Variants in IDI1 observed in about 807,000 individuals in gnomAD.
IDI1 encodes the protein isopentenyl-diphosphate delta isomerase 1.
In IDI1, 23 loss-of-function variants were observed where a neutral mutation model predicts 32.9. That is an observed-to-expected ratio of 0.70 (90% CI 0.50 to 0.99). The LOEUF (loss-of-function observed/expected upper bound fraction) is 0.99. IDI1 is among the 50% of genes least tolerant of loss of function. The pLI is 0.00. For missense variants in IDI1, 326 were observed against 351.9 expected (o/e 0.93, Z 0.59); for synonymous variants, 133 against 128.2 (o/e 1.04, Z -0.25).
rs2131564994 is a variant in IDI1, at chr10:1,040,314, C to A, written c.*873G>T. 6.6e-6 allele frequency: 1 copy of A among 152,324 alleles called. No individual in the cohort carries two copies. Among genetic ancestry groups the A allele is most frequent in the African/African-American group, 2.4e-5 (1 of 41,554 alleles). The allele number at this position is 152,324 out of a possible 1,614,324, so 9.4% of individuals were successfully genotyped here. ...TCTGTCCCCTAGGGGCATCTGGCAA[C>A]ATCCGGCATAACTGTGGGTGTCACA... On this transcript the variant is annotated 3_prime_UTR_variant, in exon 5 of 5. Coordinates refer to ENST00000381344, the MANE Select transcript of IDI1 (RefSeq NM_004508.4).
Position 1,049,068 on chromosome 10 carries a change from G to A in IDI1, c.-65C>T. 3 of 1,442,394 alleles carry A rather than the reference G, an allele frequency of 2.1e-6. No homozygotes were observed. The highest frequency in any genetic ancestry group is 1.4e-5 in the South Asian group (1 of 69,840). The allele number at this position is 1,442,394 out of a possible 1,614,324, so 89.3% of individuals were successfully genotyped here. A position where few individuals can be genotyped will look rare whatever the true frequency, so the allele number is the denominator to read the frequency against. ...ATCTCGCCAAGCTTCGCCTGGTGGT[G>A]CCACCTCCCTGGCCTGTGACAACGG... On this transcript the variant is annotated 5_prime_UTR_variant, in exon 1 of 5. Transcript: ENST00000381344.
chr10:1,049,881 G>A (rs1315488571), upstream of IDI1, among the ~76,000 whole-genome samples: 1 of 152,172 alleles, frequency 6.6e-6, no homozygotes, highest in African/African-American at 2.4e-5. Flanking sequence ...TGGAACTCCT[G>A]ACCTCAAGTG....
Position 1,041,144 on chromosome 10 carries a change from T to C in IDI1, c.*43A>G. The C allele has an allele frequency of 9.0e-7, 1 of 1,110,070 alleles. No homozygotes were observed. The highest frequency in any genetic ancestry group is 2.5e-5 in the East Asian group (1 of 40,314). 68.8% of individuals were successfully genotyped at this position (1,110,070 alleles called of 1,614,324 possible). ...TTAAAAGGAAAAAGTCATTCTAAGT[T>C]TGTTAAGCAGATAAATTTTTCTGTA... On this transcript the variant is annotated 3_prime_UTR_variant, in exon 5 of 5. Transcript: ENST00000381344.
At position 1,044,047 on chromosome 10, in the gene IDI1, C is replaced by T; in HGVS notation, c.265G>A (p.Gly89Arg). Residue 89 changes from glycine (G) to arginine (R), a missense_variant, in exon 2 of 5, where the codon GGA (glycine) becomes AGA (arginine). Transcript: ENST00000381344. ...ILIDENDNKI[G>R]AETKKNCHLN... ...TGACAATTCTTCTTGGTCTCAGCTC[C>T]AATTTTATTGTCATTTTCATCAATA... 2 of 1,613,270 alleles carry T rather than the reference C, an allele frequency of 1.2e-6. No individual in the cohort carries two copies. The highest frequency in any genetic ancestry group is 1.7e-6 in the Non-Finnish European group (2 of 1,179,680).
chr10:1,045,817 G>A (rs1832786645), intron 1 of IDI1, among the ~76,000 whole-genome samples: 1 of 152,088 alleles, frequency 6.6e-6, no homozygotes, highest in South Asian at 2.1e-4. Flanking sequence ...TGTACACAAA[G>A]TGTTTAAACA....
At position 1,040,178 on chromosome 10, in the gene IDI1, T is replaced by C. The variant is rs1832514435; in HGVS notation, c.*1009A>G. 6.6e-6 allele frequency: 1 copy of C among 152,228 alleles called. No individual in the cohort carries two copies. The highest frequency in any genetic ancestry group is 6.5e-5 in the Admixed American group (1 of 15,286). The allele number at this position is 152,228 out of a possible 1,614,324, so 9.4% of individuals were successfully genotyped here. ...ACAATTTTTAACATTAATATACACA[T>C]TCCATAATCTCATCTATTTAACATT... On this transcript the variant is annotated 3_prime_UTR_variant, in exon 5 of 5. Coordinates refer to ENST00000381344, the MANE Select transcript of IDI1 (RefSeq NM_004508.4).
chr10:1,043,615 C>T, intron 2 of IDI1: 1 of 670,128 alleles, frequency 1.5e-6, no homozygotes, highest in Non-Finnish European at 2.7e-6. Context: ...CTGGTGGCCC[C>T]TTTCCGGCAG....
Position 1,041,141 on chromosome 10 carries a change from A to G in IDI1, c.*46T>C. On this transcript the variant is annotated 3_prime_UTR_variant, in exon 5 of 5. Transcript: ENST00000381344. ...AATTTAAAAGGAAAAAGTCATTCTA[A>G]GTTTGTTAAGCAGATAAATTTTTCT... is the stretch of plus-strand genomic sequence containing the variant. 9.3e-7 allele frequency: 1 copy of G among 1,073,948 alleles called. No individual in the cohort carries two copies. The highest frequency in any genetic ancestry group is 1.4e-6 in the Non-Finnish European group (1 of 740,698). 66.5% of individuals were successfully genotyped at this position (1,073,948 alleles called of 1,614,324 possible). A position where few individuals can be genotyped will look rare whatever the true frequency, so the allele number is the denominator to read the frequency against.
At position 1,042,627 on chromosome 10, in the gene IDI1, G is replaced by C; in HGVS notation, c.537+5C>G. 8 of 1,613,648 alleles carry C rather than the reference G, an allele frequency of 5.0e-6. No individual in the cohort carries two copies. Among genetic ancestry groups the C allele is most frequent in the Non-Finnish European group, 6.8e-6 (8 of 1,179,744 alleles). The stretch of plus-strand genomic sequence containing the variant: ...CTTGTATGGTTGTGTAGGAGAGCTG[G>C]TTACCTCTTCCAAGGGAATTCCTAG... On this transcript the variant is annotated splice_donor_5th_base_variant and intron_variant, in intron 4 of 4. Transcript: ENST00000381344.
At chr10:1,048,290 T>C (rs758253878) in intron 1 of IDI1, 2 of 1,304,388 alleles carry the variant, frequency 1.5e-6, no homozygotes, top group Non-Finnish European at 2.0e-6. Flanking sequence ...GAACACATCA[T>C]CCAACCCAAG....
upstream of IDI1, among the ~76,000 whole-genome samples, chr10:1,049,973 G>C (rs943881580): frequency 6.6e-6 from 1 of 152,128 alleles, no homozygotes; most frequent in Non-Finnish European, 1.5e-5. Flanking sequence ...TTAAATAATC[G>C]TGAAATGTAT....
At chr10:1,041,603 A>T in intron 4 of IDI1, 99 bp from the exon 5 acceptor site, 1 of 612,166 alleles carries the variant, frequency 1.6e-6, no homozygotes, top group Non-Finnish European at 2.8e-6. Context: ...CTCGAACAGC[A>T]GTATAGTTTT....
At chr10:1,050,104 ACT>A (rs1589058986), upstream of IDI1, among the ~76,000 whole-genome samples, 1 of 152,120 alleles carries the variant, frequency 6.6e-6, no homozygotes, top group Admixed American at 6.5e-5. Flanking sequence ...GGACGCTTGC[ACT>A]CTCTTAAAAT....
upstream of IDI1, among the ~76,000 whole-genome samples, chr10:1,051,529 C>CA (rs1833014003): frequency 6.6e-6 from 1 of 152,246 alleles, no homozygotes; most frequent in Non-Finnish European, 1.5e-5. Flanking sequence ...GTTCAGCTTA[C>CA]AACTCAAACG....
intron 1 of IDI1, chr10:1,048,512 G>T: frequency 7.9e-7 from 1 of 1,259,188 alleles, no homozygotes; most frequent in Non-Finnish European, 1.0e-6. Flanking sequence ...ATTCTCTAAG[G>T]GGAGACTCGC....
rs930436789 is a variant in IDI1 at position 1,049,036 on chromosome 10, C to G, written c.-33G>C. 1.0e-5 allele frequency: 15 copies of G among 1,463,994 alleles called. No individual in the cohort carries two copies. Among genetic ancestry groups the G allele is most frequent in the Admixed American group, 5.1e-5 (2 of 39,488 alleles). 90.7% of individuals were successfully genotyped at this position (1,463,994 alleles called of 1,614,324 possible). On this transcript the variant is annotated 5_prime_UTR_variant, in exon 1 of 5. Coordinates refer to ENST00000381344, the MANE Select transcript of IDI1 (RefSeq NM_004508.4). ...CCAATTGGCGCCCGTACGCGCTTGA[C>G]GACACAATCTCGCCAAGCTTCGCCT... is the stretch of plus-strand genomic sequence containing the variant.
upstream of IDI1, chr10:1,049,229 C>T (rs1832912275): frequency 1.5e-6 from 1 of 652,848 alleles, no homozygotes; most frequent in East Asian, 3.5e-5. Context: ...CAGACGCCGC[C>T]AGCCAATCAC....
chr10:1,044,305 G>C (rs1204919431), intron 1 of IDI1, 134 bp from the exon 2 acceptor site: 1 of 627,968 alleles, frequency 1.6e-6, no homozygotes, highest in Non-Finnish European at 2.7e-6. Context: ...CCCCAAGAAC[G>C]CTGCCAGCCG....
chr10:1,046,563 ACAC>A (rs1175578296), intron 1 of IDI1, among the ~76,000 whole-genome samples: 1 of 82,366 alleles, frequency 1.2e-5, no homozygotes, highest in African/African-American at 5.0e-5. Context: ...TCCACTGTCT[ACAC>A]CACACAGCCC....
Sources: allele counts gnomAD v4.1 joint callset (sites outside exome capture counted in the v4.1 genomes callset), GRCh38; gene constraint gnomAD v4.1.1; transcripts MANE v1.5; gene names NCBI Gene and HGNC (gene_info 2026-07-23, HGNC 2026-07-21).